CCDC68: variants seen among roughly 807,000 people sequenced by gnomAD.
CCDC68 encodes coiled-coil domain-containing protein 68.
CCDC68 carries 45 observed loss-of-function variants against 47.1 expected under a neutral mutation model. The ratio of observed to expected loss-of-function variants is 0.96; its 90% CI spans 0.75 to 1.23. CCDC68 has a LOEUF of 1.23. CCDC68 is among the 50% of genes most tolerant of loss of function. The pLI is 0.00. For synonymous variants in CCDC68, 131 were observed against 129.5 expected (o/e 1.01, Z -0.08); for missense variants, 353 against 373.6 (o/e 0.94, Z 0.45).
chr18:54,922,847 G>A (rs1035092849), intron 8 of CCDC68, among the ~76,000 whole-genome samples: 1 of 151,914 alleles, frequency 6.6e-6, no homozygotes, highest in East Asian at 1.9e-4. Flanking sequence ...AATTAGCCGG[G>A]CATGGTGGCA....
In CCDC68 at chr18:54,904,205, T is replaced by A. The variant is rs1913848081; in HGVS notation, c.*153A>T. On this transcript the variant is annotated 3_prime_UTR_variant, in exon 12 of 12. Transcript: ENST00000591504. Reference sequence around the variant, plus strand: ...CATTAAATATAGATTTGTTTGATTTTCTGAAATGTCATCTTCTTGCAAAGC... The same window carrying A: ...CATTAAATATAGATTTGTTTGATTTACTGAAATGTCATCTTCTTGCAAAGC... 1 of 602,598 alleles carries A rather than the reference T, an allele frequency of 1.7e-6. No individual in the cohort carries two copies. Among genetic ancestry groups the A allele is most frequent in the East Asian group, 2.9e-5 (1 of 34,730 alleles). 37.3% of individuals were successfully genotyped at this position (602,598 alleles called of 1,614,324 possible).
intron 7 of CCDC68, among the ~76,000 whole-genome samples, chr18:54,932,068 C>T (rs1420876881): frequency 6.6e-6 from 1 of 152,186 alleles, no homozygotes; most frequent in African/African-American, 2.4e-5. Flanking sequence ...ACCTGAGACA[C>T]CCTTCCTCAC....
At position 54,903,656 on chromosome 18, in the gene CCDC68, A is replaced by T. The variant is rs992699695; in HGVS notation, c.*702T>A. The T allele has an allele frequency of 6.6e-6, 1 of 152,230 alleles. No individual in the cohort carries two copies. The highest frequency in any genetic ancestry group is 2.4e-5 in the African/African-American group (1 of 41,452). The allele number at this position is 152,230 out of a possible 1,614,324, so 9.4% of individuals were successfully genotyped here. A position where few individuals can be genotyped will look rare whatever the true frequency, so the allele number is the denominator to read the frequency against. ...TGCATCCCTGTGCGTTTGTGTGTAC[A>T]GGTTACCTCTAGAAACCAATTTTTA... On this transcript the variant is annotated 3_prime_UTR_variant, in exon 12 of 12. Coordinates refer to ENST00000591504, the MANE Select transcript of CCDC68 (RefSeq NM_025214.3).
At chr18:54,953,489 TG>T (rs2044653390) in intron 1 of CCDC68, among the ~76,000 whole-genome samples, 1 of 149,460 alleles carries the variant, frequency 6.7e-6, no homozygotes, top group Admixed American at 6.8e-5. Flanking sequence ...CCCAAAAGAG[TG>T]TAAATGATTA....
intron 1 of CCDC68, among the ~76,000 whole-genome samples, chr18:54,957,623 A>ACT (rs1478919126): frequency 2.3e-5 from 2 of 88,146 alleles, no homozygotes; most frequent in African/African-American, 3.6e-5. Context: ...ACACACACAC[A>ACT]CACACTCTCT....
At chr18:54,956,881 G>C (rs1275207761) in intron 1 of CCDC68, among the ~76,000 whole-genome samples, 2 of 151,898 alleles carry the variant, frequency 1.3e-5, no homozygotes, top group South Asian at 2.1e-4. Flanking sequence ...TTATACACTT[G>C]GATGTATTTT....
intron 10 of CCDC68, among the ~76,000 whole-genome samples, chr18:54,908,429 T>C (rs2145358593): frequency 6.6e-6 from 1 of 152,324 alleles, no homozygotes; most frequent in African/African-American, 2.4e-5. Flanking sequence ...ATGAACATAA[T>C]ATTTTACATC....
rs114152435 is a variant in CCDC68, at chr18:54,928,448, G to A, written c.683+352C>T. On this transcript the variant is annotated intron_variant, in intron 8 of 11. Coordinates refer to ENST00000591504, the MANE Select transcript of CCDC68 (RefSeq NM_025214.3). ...AAGTGACTCATTAATAAACACAGAA[G>A]CATCAGGGAATAAAGATCTCTCAAG... is the stretch of plus-strand genomic sequence containing the variant. 3.8e-3 allele frequency among the ~76,000 whole-genome samples: 576 copies of A among 152,226 alleles called. 4 individuals carry two copies. Among genetic ancestry groups the A allele is most frequent in the African/African-American group, 0.013 (548 of 41,540 alleles).
intron 7 of CCDC68, 45 bp from the exon 8 acceptor site, chr18:54,928,927 G>A (rs749574352): frequency 9.7e-7 from 1 of 1,031,220 alleles, no homozygotes; most frequent in Non-Finnish European, 1.5e-6. Context: ...GCATGTGTAT[G>A]TTTGGTAAGG....
At position 54,901,710 on chromosome 18, in the gene CCDC68, T is replaced by C. The variant is rs748137205; in HGVS notation, c.*2648A>G. ...AGTTTCTTTTCTTTTCCTGACTTCATGTATGAATTTCAGACCCACCTCAGA... is the reference window on the plus strand; with the variant it reads ...AGTTTCTTTTCTTTTCCTGACTTCACGTATGAATTTCAGACCCACCTCAGA... On this transcript the variant is annotated 3_prime_UTR_variant, in exon 12 of 12. Transcript: ENST00000591504. 1 of 152,176 alleles carries C rather than the reference T, an allele frequency of 6.6e-6. No homozygotes were observed. The highest frequency in any genetic ancestry group is 1.5e-5 in the Non-Finnish European group (1 of 68,022). The allele number at this position is 152,176 out of a possible 1,614,324, so 9.4% of individuals were successfully genotyped here. A position where few individuals can be genotyped will look rare whatever the true frequency, so the allele number is the denominator to read the frequency against.
intron 9 of CCDC68, 56 bp from the exon 10 acceptor site, chr18:54,918,052 C>T (rs1319669990): frequency 1.4e-6 from 1 of 720,714 alleles, no homozygotes; most frequent in South Asian, 1.7e-5. Flanking sequence ...GAAATAGTTA[C>T]TTAAGTCAGA....
chr18:54,943,685 T>C (rs906970535), intron 2 of CCDC68, among the ~76,000 whole-genome samples: 1 of 152,238 alleles, frequency 6.6e-6, no homozygotes, highest in African/African-American at 2.4e-5. Flanking sequence ...TATTCACTCA[T>C]AATATTGTTA....
intron 1 of CCDC68, among the ~76,000 whole-genome samples, chr18:54,958,213 C>T (rs561248982): frequency 1.3e-5 from 2 of 152,154 alleles, no homozygotes; most frequent in Non-Finnish European, 2.9e-5. Flanking sequence ...AGGAACCACA[C>T]GGGGATACTC....
intron 1 of CCDC68, among the ~76,000 whole-genome samples, chr18:54,958,615 C>T (rs1436085318): frequency 6.6e-6 from 1 of 152,124 alleles, no homozygotes; most frequent in African/African-American, 2.4e-5. Context: ...TGTTCTGATC[C>T]TTATATTCAA....
chr18:54,953,553 G>T (rs138713557), intron 1 of CCDC68, among the ~76,000 whole-genome samples: 11,318 of 151,120 alleles, frequency 0.075, 458 homozygotes, highest in Non-Finnish European at 0.078. Flanking sequence ...TATATATATA[G>T]AGAGAGAGAG....
chr18:54,940,956 T>G (rs2044426403), intron 4 of CCDC68, 41 bp downstream of exon 4: 2 of 1,428,722 alleles, frequency 1.4e-6, no homozygotes, highest in African/African-American at 1.4e-5. Flanking sequence ...CTTTAAAAAG[T>G]CTAAATGGCT....
At chr18:54,959,302 G>C (rs994114729) in intron 1 of CCDC68, 34 bp downstream of exon 1, 1 of 152,554 alleles carries the variant, frequency 6.6e-6, no homozygotes, top group African/African-American at 2.4e-5. Flanking sequence ...GCGCGCCGCA[G>C]GGACCGGGCC....
At chr18:54,940,654 G>T (rs1387475177) in intron 4 of CCDC68, among the ~76,000 whole-genome samples, 1 of 152,200 alleles carries the variant, frequency 6.6e-6, no homozygotes, top group Non-Finnish European at 1.5e-5. Flanking sequence ...AGGCCTAAAA[G>T]CTTCAACTGT....
rs1599084090 is a variant in CCDC68 at position 54,942,667 on chromosome 18, C to T, written c.117+8G>A. On this transcript the variant is annotated splice_region_variant and intron_variant, in intron 3 of 11. Transcript: ENST00000591504. ...ATATCATACTAATGATTTCTGCTAC[C>T]CACATACCTTTTTCACATACTCGGT... 5.4e-6 allele frequency: 8 copies of T among 1,476,042 alleles called. No individual in the cohort carries two copies. In the East Asian group the frequency reaches 1.6e-4, roughly 30 times the overall value. The allele number at this position is 1,476,042 out of a possible 1,614,324, so 91.4% of individuals were successfully genotyped here.
Sources: allele counts gnomAD v4.1 joint callset (sites outside exome capture counted in the v4.1 genomes callset), GRCh38; gene constraint gnomAD v4.1.1; transcripts MANE v1.5; gene names NCBI Gene and HGNC (gene_info 2026-07-23, HGNC 2026-07-21).